Variants in PRH1 observed in about 807,000 individuals in gnomAD.
PRH1 encodes the protein salivary acidic proline-rich phosphoprotein 1/2.
In PRH1, 7 loss-of-function variants were observed where a neutral mutation model predicts 7.9. The ratio of observed to expected loss-of-function variants is 0.89; its 90% CI spans 0.50 to 1.67. PRH1 has a LOEUF of 1.67. PRH1 is among the 40% of genes most tolerant of loss of function. PRH1 has a pLI of 0.00. For missense variants in PRH1, 109 were observed against 223.6 expected (o/e 0.49, Z 3.27); for synonymous variants, 45 against 80.8 (o/e 0.56, Z 2.38).
chr12:10,898,858 T>C (rs1401163424), intron 2 of PRH1, among the ~76,000 whole-genome samples: 2 of 152,224 alleles, frequency 1.3e-5, no homozygotes, highest in Admixed American at 1.3e-4. Context: ...ACATTGGATG[T>C]ACCTAGTGTG....
intron 1 of PRH1, among the ~76,000 whole-genome samples, chr12:11,094,707 C>G (rs1945035333): frequency 8.7e-6 from 1 of 115,000 alleles, no homozygotes; most frequent in African/African-American, 2.9e-5. Flanking sequence ...ATAATAATTT[C>G]TATATTTCTC....
intron 1 of PRH1, among the ~76,000 whole-genome samples, chr12:10,991,945 T>C (rs1204497906): frequency 6.6e-6 from 1 of 151,946 alleles, no homozygotes; most frequent in East Asian, 1.9e-4. Flanking sequence ...TTTAATGGAG[T>C]GGTGACAGTA....
At chr12:11,147,470 G>A (rs1179695987) in intron 1 of PRH1, among the ~76,000 whole-genome samples, 1 of 152,162 alleles carries the variant, frequency 6.6e-6, no homozygotes, top group African/African-American at 2.4e-5. Context: ...TTACAGACAT[G>A]AGCCATGACA....
chr12:10,909,585 A>C (rs1949865401), intron 2 of PRH1: 2 of 372,354 alleles, frequency 5.4e-6, no homozygotes, highest in South Asian at 2.2e-4. Flanking sequence ...ATGATTATGC[A>C]GCAAAGTTAA....
chr12:11,147,064 T>C (rs898027865), intron 1 of PRH1, among the ~76,000 whole-genome samples: 4 of 152,226 alleles, frequency 2.6e-5, no homozygotes, highest in Admixed American at 1.3e-4. Context: ...ATATGTATTT[T>C]TCAAGTCATT....
Position 11,094,817 on chromosome 12 carries a change from T to C in PRH1, n.124-47629A>G, listed in dbSNP as rs536095346. ...AGTGTATCATAAACACTCAAGTAAC[T>C]ATGATGAAGGGCAAGACAAGGAACA... On this transcript the variant is annotated intron_variant and non_coding_transcript_variant, in intron 1 of 4. Transcript: ENST00000541977. Among the ~76,000 whole-genome samples the C allele has an allele frequency of 6.5e-4, 75 of 114,996 alleles. 20 individuals carry two copies. Among genetic ancestry groups the C allele is most frequent in the African/African-American group, 1.1e-3 (38 of 34,196 alleles). 75.4% of individuals were successfully genotyped at this position (114,996 alleles called of 152,430 possible).
intron 1 of PRH1, among the ~76,000 whole-genome samples, chr12:11,153,923 C>A (rs2136434692): frequency 6.6e-6 from 1 of 151,990 alleles, no homozygotes; most frequent in African/African-American, 2.4e-5. Context: ...ATATTACCCC[C>A]AAAAAAATGG....
At chr12:11,140,748 C>T (rs1188701871) in intron 1 of PRH1, among the ~76,000 whole-genome samples, 3 of 152,098 alleles carry the variant, frequency 2.0e-5, no homozygotes, top group African/African-American at 4.8e-5. Flanking sequence ...TTCCTTGTTT[C>T]ACCTCTCCAT....
At chr12:10,887,196 T>C (rs1301773595), upstream of PRH1, among the ~76,000 whole-genome samples, 2 of 152,184 alleles carry the variant, frequency 1.3e-5, no homozygotes, top group Non-Finnish European at 1.5e-5. Flanking sequence ...CTAGTTTGCC[T>C]GGAACACTAA....
intron 1 of PRH1, among the ~76,000 whole-genome samples, chr12:11,089,648 A>G (rs1944814161): frequency 7.7e-6 from 1 of 129,264 alleles, no homozygotes; most frequent in Admixed American, 7.8e-5. Flanking sequence ...CATTTTGGTA[A>G]AGTAGCTGGT....
chr12:10,945,868 C>T (rs977664957), intron 2 of PRH1, among the ~76,000 whole-genome samples: 58 of 152,200 alleles, frequency 3.8e-4, no homozygotes, highest in African/African-American at 1.4e-3. Flanking sequence ...ATGTTCCTTG[C>T]TGAGAAAAAG....
At chr12:11,136,310 C>T (rs1592086978) in intron 1 of PRH1, among the ~76,000 whole-genome samples, 1 of 152,066 alleles carries the variant, frequency 6.6e-6, no homozygotes, top group Non-Finnish European at 1.5e-5. Flanking sequence ...GTTGCAAGTA[C>T]ATGTGGTTTT....
chr12:10,962,929 C>T (rs1338003098), intron 2 of PRH1, among the ~76,000 whole-genome samples: 1 of 152,142 alleles, frequency 6.6e-6, no homozygotes, highest in Non-Finnish European at 1.5e-5. Context: ...GCCACCACGC[C>T]CTGCTAATTT....
chr12:11,025,962 T>A (rs982852091), intron 1 of PRH1, among the ~76,000 whole-genome samples: 9 of 147,810 alleles, frequency 6.1e-5, no homozygotes, highest in Non-Finnish European at 1.4e-4. Context: ...TTTTGACTTT[T>A]GGAGTTTTTA....
At chr12:11,028,268 T>C (rs1009412598) in intron 1 of PRH1, among the ~76,000 whole-genome samples, 3 of 152,230 alleles carry the variant, frequency 2.0e-5, no homozygotes, top group Non-Finnish European at 4.4e-5. Context: ...TAATGACAGA[T>C]GAGCAGATAC....
intron 2 of PRH1, among the ~76,000 whole-genome samples, chr12:10,957,312 G>C (rs1938017055): frequency 6.6e-6 from 1 of 152,106 alleles, no homozygotes; most frequent in Non-Finnish European, 1.5e-5. Flanking sequence ...CAAGCCATGA[G>C]GAGAGACTCC....
chr12:10,935,774 A>G (rs1198896732), intron 2 of PRH1, among the ~76,000 whole-genome samples: 1 of 152,208 alleles, frequency 6.6e-6, no homozygotes, highest in East Asian at 1.9e-4. Context: ...ATCAATAGAG[A>G]GCAATAAACT....
exon 2 of PRH1, chr12:10,973,665 TTCCAC>T: frequency 1.3e-6 from 1 of 779,100 alleles, no homozygotes; most frequent in Admixed American, 1.7e-5. Context: ...CTGTGAAAAC[TTCCAC>T]TCTTGAGTAG....
intron 1 of PRH1, chr12:11,134,715 G>C (rs1946495935): frequency 1.3e-5 from 2 of 158,790 alleles, no homozygotes; most frequent in Non-Finnish European, 2.8e-5. Context: ...CTTAAAGGGA[G>C]CTTGATCATA....
Sources: allele counts gnomAD v4.1 joint callset (sites outside exome capture counted in the v4.1 genomes callset), GRCh38; gene constraint gnomAD v4.1.1; transcripts MANE v1.5; gene names NCBI Gene and HGNC (gene_info 2026-07-23, HGNC 2026-07-21).